SGCZ: variants seen among roughly 807,000 people sequenced by gnomAD.
SGCZ encodes the protein zeta-sarcoglycan.
SGCZ carries 40 observed loss-of-function variants against 41.3 expected under a neutral mutation model. The observed-to-expected ratio is 0.97, with a 90% confidence interval of 0.75 to 1.26. The LOEUF is 1.26. Among genes scored for constraint, SGCZ ranks in the 50% most tolerant of loss-of-function variants. SGCZ has a pLI of 0.00. For synonymous variants in SGCZ, 206 were observed against 137.5 expected (o/e 1.50, Z -3.49); for missense variants, 552 against 369.8 (o/e 1.49, Z -4.04).
rs995063387 is a variant in SGCZ, at chr8:14,726,189, G to A, written c.40-171263C>T. 2.0e-5 allele frequency among the ~76,000 whole-genome samples: 3 copies of A among 150,462 alleles called. No individual in the cohort carries two copies. In the South Asian group the frequency reaches 6.3e-4, roughly 31 times the overall value. ...CAGGAGAATCACTTGAACCTGGGAG[G>A]GAGGCAGAGGTTGCAGTGAGCAGAG... On this transcript the variant is annotated intron_variant, in intron 1 of 7. Transcript: ENST00000382080.
chr8:15,233,510 T>C (rs1433995492), intron 1 of SGCZ, among the ~76,000 whole-genome samples: 1 of 152,042 alleles, frequency 6.6e-6, no homozygotes, highest in African/African-American at 2.4e-5. Context: ...CTCACCCATA[T>C]AATACTTTTT....
chr8:15,210,986 C>T (rs988372028), intron 1 of SGCZ, among the ~76,000 whole-genome samples: 6 of 151,600 alleles, frequency 4.0e-5, no homozygotes, highest in South Asian at 2.1e-4. Flanking sequence ...AAATTTTCCC[C>T]TGCAACACCC....
chr8:14,249,951 G>A (rs933745509), intron 3 of SGCZ, among the ~76,000 whole-genome samples: 3 of 152,128 alleles, frequency 2.0e-5, no homozygotes, highest in Non-Finnish European at 4.4e-5. Flanking sequence ...GAATATGTCA[G>A]ACCAAATAGC....
intron 1 of SGCZ, among the ~76,000 whole-genome samples, chr8:14,678,564 G>A (rs1373167176): frequency 6.6e-6 from 1 of 152,206 alleles, no homozygotes; most frequent in Non-Finnish European, 1.5e-5. Flanking sequence ...TGGCGCAAAA[G>A]CAATTCTCAT....
At chr8:15,067,554 A>G (rs925796171) in intron 1 of SGCZ, among the ~76,000 whole-genome samples, 2 of 152,174 alleles carry the variant, frequency 1.3e-5, no homozygotes, top group African/African-American at 4.8e-5. Flanking sequence ...CAATGCTTAT[A>G]TAAGTATCCA....
intron 1 of SGCZ, among the ~76,000 whole-genome samples, chr8:15,192,735 G>A (rs559896519): frequency 6.6e-6 from 1 of 152,150 alleles, no homozygotes; most frequent in African/African-American, 2.4e-5. Context: ...CATTTCCACT[G>A]AAGTCTTCTG....
chr8:14,091,813 G>A (rs1585125288), intron 7 of SGCZ, among the ~76,000 whole-genome samples: 1 of 151,892 alleles, frequency 6.6e-6, no homozygotes, highest in African/African-American at 2.4e-5. Context: ...TCTTTTGCTG[G>A]GCAGAAGCAC....
chr8:15,181,573 T>C (rs112334639), intron 1 of SGCZ, among the ~76,000 whole-genome samples: 2 of 152,202 alleles, frequency 1.3e-5, no homozygotes, highest in Admixed American at 6.5e-5. Context: ...TAAGTGCTTG[T>C]GTCTTTGCCT....
chr8:15,124,490 G>C (rs1301435508), intron 1 of SGCZ, among the ~76,000 whole-genome samples: 2 of 152,136 alleles, frequency 1.3e-5, no homozygotes, highest in Non-Finnish European at 2.9e-5. Context: ...GGCCAGGGCA[G>C]CTATTCCAGC....
intron 1 of SGCZ, among the ~76,000 whole-genome samples, chr8:15,119,569 T>C (rs1369971850): frequency 6.6e-6 from 1 of 151,890 alleles, no homozygotes; most frequent in Admixed American, 6.6e-5. Context: ...TAATTTTCTA[T>C]TATAACATGT....
chr8:14,482,432 G>C (rs1013622887), intron 2 of SGCZ, among the ~76,000 whole-genome samples: 3 of 152,120 alleles, frequency 2.0e-5, no homozygotes, highest in African/African-American at 7.2e-5. Context: ...CTTTACACTT[G>C]TGCCTGATTT....
chr8:15,086,317 A>T (rs1020697799), intron 1 of SGCZ, among the ~76,000 whole-genome samples: 1 of 152,220 alleles, frequency 6.6e-6, no homozygotes. Flanking sequence ...TGCTAAAGAC[A>T]CATAAGCTTG....
chr8:14,774,297 G>A (rs1585249257), intron 1 of SGCZ, among the ~76,000 whole-genome samples: 1 of 152,122 alleles, frequency 6.6e-6, no homozygotes, highest in Non-Finnish European at 1.5e-5. Context: ...TTTTGGACTT[G>A]TTAGTCTCTA....
chr8:15,041,402 C>T (rs1804091509), intron 1 of SGCZ, among the ~76,000 whole-genome samples: 1 of 151,560 alleles, frequency 6.6e-6, no homozygotes, highest in African/African-American at 2.4e-5. Context: ...CCTTTTGATA[C>T]CATATGAAAA....
At position 14,518,908 on chromosome 8, in the gene SGCZ, A is replaced by AT. The variant is rs1311313231; in HGVS notation, c.234+35823_234+35824insA. On this transcript the variant is annotated intron_variant, in intron 2 of 7. Coordinates refer to ENST00000382080, the MANE Select transcript of SGCZ (RefSeq NM_139167.4). Reference sequence around the variant, plus strand: ...CCCATCTCTACCAAAAAAAAAAAAAAAAATACAAAAATTAGCCAGGTGTGG... The same window carrying AT: ...CCCATCTCTACCAAAAAAAAAAAAAATAAATACAAAAATTAGCCAGGTGTGG... Among the ~76,000 whole-genome samples, 1,365 of 150,896 alleles carry AT rather than the reference A, an allele frequency of 9.0e-3. 27 individuals carry two copies. Among genetic ancestry groups the AT allele is most frequent in the African/African-American group, 0.032 (1,315 of 41,000 alleles).
chr8:14,142,804 C>A (rs1356667763), intron 5 of SGCZ, among the ~76,000 whole-genome samples: 1 of 151,964 alleles, frequency 6.6e-6, no homozygotes, highest in African/African-American at 2.4e-5. Flanking sequence ...CTTGTGAGAT[C>A]TGGTTGTTTA....
chr8:14,303,079 C>T (rs751831978), intron 3 of SGCZ, among the ~76,000 whole-genome samples: 4 of 152,126 alleles, frequency 2.6e-5, no homozygotes, highest in Non-Finnish European at 1.5e-5. Flanking sequence ...CCTCCTGATA[C>T]ATTAGATGCC....
At chr8:14,646,340 A>G (rs1401220739) in intron 1 of SGCZ, among the ~76,000 whole-genome samples, 1 of 151,876 alleles carries the variant, frequency 6.6e-6, no homozygotes, top group African/African-American at 2.4e-5. Flanking sequence ...ACTTAGGATA[A>G]TGGACTCCAG....
chr8:14,505,309 C>G (rs1015479005), intron 2 of SGCZ, among the ~76,000 whole-genome samples: 3 of 152,068 alleles, frequency 2.0e-5, no homozygotes, highest in South Asian at 2.1e-4. Flanking sequence ...TGGTATGATG[C>G]AAGTGTAAGG....
Sources: gnomAD v4.1 joint callset for allele counts (sites outside exome capture counted in the v4.1 genomes callset) on GRCh38, gnomAD v4.1.1 for gene constraint, MANE v1.5 for transcripts, NCBI Gene and HGNC (gene_info 2026-07-23, HGNC 2026-07-21) for gene names.